Variants in MAGI2 observed in about 807,000 individuals in gnomAD.
The protein encoded by MAGI2 is membrane associated guanylate kinase, WW and PDZ domain containing 2.
MAGI2 carries 35 observed loss-of-function variants against 133.3 expected under a neutral mutation model. That is an observed-to-expected ratio of 0.26 (90% confidence interval 0.20 to 0.35). The LOEUF (loss-of-function observed/expected upper bound fraction) is 0.35. Ranked by LOEUF, MAGI2 falls within the 10% of genes least tolerant of loss-of-function variation. The pLI is 1.00. For synonymous variants in MAGI2, 729 were observed against 710.6 expected, an observed-to-expected ratio of 1.03 and a Z score of -0.41; for missense variants, 1,636 against 1,863.4, an observed-to-expected ratio of 0.88 and a Z score of 2.25.
At chr7:79,353,674 G>T in intron 1 of MAGI2, 1 of 338,628 alleles carries the variant, frequency 3.0e-6, no homozygotes, top group South Asian at 2.3e-5. Flanking sequence ...ACTGGGCATT[G>T]GACTCTTCTG....
intron 1 of MAGI2, among the ~76,000 whole-genome samples, chr7:79,382,161 T>G (rs1843839327): frequency 6.6e-6 from 1 of 151,628 alleles, no homozygotes; most frequent in African/African-American, 2.4e-5. Flanking sequence ...TGCTCAACCA[T>G]AAGTTATTTA....
chr7:78,981,738 A>C (rs975101042), intron 2 of MAGI2, among the ~76,000 whole-genome samples: 3 of 151,832 alleles, frequency 2.0e-5, no homozygotes, highest in Non-Finnish European at 1.5e-5. Flanking sequence ...TGAATTACAA[A>C]TTGTGTATTT....
chr7:78,285,454 T>C (rs1012551355), intron 9 of MAGI2, among the ~76,000 whole-genome samples: 2 of 152,142 alleles, frequency 1.3e-5, no homozygotes, highest in African/African-American at 4.8e-5. Flanking sequence ...AAATAGATGA[T>C]GCTTATTTTA....
intron 2 of MAGI2, among the ~76,000 whole-genome samples, chr7:78,711,895 G>C (rs1190606384): frequency 6.6e-6 from 1 of 152,114 alleles, no homozygotes; most frequent in African/African-American, 2.4e-5. Context: ...ATTTGACTTT[G>C]AAATGTATTT....
At chr7:78,566,214 A>C (rs1310151937) in intron 3 of MAGI2, among the ~76,000 whole-genome samples, 2 of 152,206 alleles carry the variant, frequency 1.3e-5, no homozygotes, top group African/African-American at 4.8e-5. Flanking sequence ...GAGCGTGCTC[A>C]GGAAATGGGA....
At chr7:78,413,743 G>A (rs1228110396) in intron 6 of MAGI2, among the ~76,000 whole-genome samples, 1 of 151,978 alleles carries the variant, frequency 6.6e-6, no homozygotes, top group Non-Finnish European at 1.5e-5. Context: ...TTGGGCAATG[G>A]TATTGGACAT....
intron 3 of MAGI2, among the ~76,000 whole-genome samples, chr7:78,603,723 A>G (rs976907986): frequency 5.3e-5 from 8 of 152,034 alleles, no homozygotes; most frequent in African/African-American, 1.7e-4. Context: ...GAGTTTCACC[A>G]TGTTGGCCAG....
At chr7:79,060,845 A>T (rs1813661110) in intron 1 of MAGI2, among the ~76,000 whole-genome samples, 2 of 152,202 alleles carry the variant, frequency 1.3e-5, no homozygotes, top group South Asian at 4.2e-4. Flanking sequence ...GAAATAACGA[A>T]GTCTCTTCCT....
chr7:78,358,175 AAAAAAAAAAAAAAAAAAAAAAAT>A (rs1168455744), intron 7 of MAGI2: 10 of 54,400 alleles, frequency 1.8e-4, no homozygotes. Flanking sequence ...AAAAAAAAAA[AAAAAAAAAAAAAAAAAAAAAAAT>A]ATATATATAT....
chr7:78,454,697 C>T (rs189428114), intron 6 of MAGI2, among the ~76,000 whole-genome samples: 2 of 152,204 alleles, frequency 1.3e-5, no homozygotes, highest in African/African-American at 4.8e-5. Context: ...AACGGATAAA[C>T]AAACCATGGT....
intron 2 of MAGI2, among the ~76,000 whole-genome samples, chr7:78,755,810 C>T (rs1563459975): frequency 6.6e-6 from 1 of 152,196 alleles, no homozygotes; most frequent in Admixed American, 6.5e-5. Flanking sequence ...CCCTATAGAA[C>T]ACCCCAGCTC....
At chr7:79,097,656 G>A (rs530192780) in intron 1 of MAGI2, among the ~76,000 whole-genome samples, 18 of 152,168 alleles carry the variant, frequency 1.2e-4, no homozygotes, top group Non-Finnish European at 2.4e-4. Context: ...GAGAAGTACT[G>A]CATATAGGAA....
At chr7:78,909,001 G>T (rs112806861) in intron 2 of MAGI2, among the ~76,000 whole-genome samples, 3 of 151,452 alleles carry the variant, frequency 2.0e-5, no homozygotes, top group East Asian at 3.9e-4. Flanking sequence ...CACAGCAAAA[G>T]AAACTATCAT....
chr7:79,289,158 C>T (rs1055208401), intron 1 of MAGI2, among the ~76,000 whole-genome samples: 4 of 152,164 alleles, frequency 2.6e-5, no homozygotes, highest in Non-Finnish European at 5.9e-5. Flanking sequence ...CCTGCACATC[C>T]ATTTGAAGTG....
chr7:79,071,316 G>A (rs1814939472), intron 1 of MAGI2, among the ~76,000 whole-genome samples: 1 of 152,166 alleles, frequency 6.6e-6, no homozygotes, highest in African/African-American at 2.4e-5. Flanking sequence ...TCCTTACTCT[G>A]GAAGCTTCGT....
chr7:78,610,794 TG>T (rs1382409977), intron 3 of MAGI2, among the ~76,000 whole-genome samples: 1 of 152,186 alleles, frequency 6.6e-6, no homozygotes, highest in East Asian at 1.9e-4. Context: ...ATATCATGGT[TG>T]GAAGGAAAGT....
intron 1 of MAGI2, among the ~76,000 whole-genome samples, chr7:79,081,407 C>T (rs1485083878): frequency 6.6e-6 from 1 of 152,124 alleles, no homozygotes; most frequent in Non-Finnish European, 1.5e-5. Context: ...GTCTATCTCC[C>T]TTGCCAAAGT....
intron 10 of MAGI2, among the ~76,000 whole-genome samples, chr7:78,231,985 C>T (rs905728492): frequency 1.3e-5 from 2 of 151,774 alleles, no homozygotes; most frequent in African/African-American, 4.8e-5. Context: ...GTTACAAACC[C>T]ACCCCTGGTG....
intron 1 of MAGI2, among the ~76,000 whole-genome samples, chr7:79,445,795 G>A (rs1586012543): frequency 6.6e-6 from 1 of 152,212 alleles, no homozygotes; most frequent in Middle Eastern, 3.4e-3. Context: ...ATACCATTTG[G>A]CCCAGCCATC....
Sources: gnomAD v4.1 joint callset for allele counts (sites outside exome capture counted in the v4.1 genomes callset) on GRCh38, gnomAD v4.1.1 for gene constraint, MANE v1.5 for transcripts, NCBI Gene and HGNC (gene_info 2026-07-23, HGNC 2026-07-21) for gene names.